DNAJC5B: variants seen among roughly 807,000 people sequenced by gnomAD.
The protein encoded by DNAJC5B is DnaJ heat shock protein family (Hsp40) member C5 beta, also known as dnaJ homolog subfamily C member 5B.
A neutral mutation model predicts 24.7 loss-of-function variants in DNAJC5B; 23 were observed. The ratio of observed to expected loss-of-function variants is 0.93; its 90% CI spans 0.67 to 1.32. The LOEUF is 1.32. Ranked by LOEUF, DNAJC5B falls within the 40% of genes most tolerant of loss-of-function variation. The probability of loss-of-function intolerance (pLI) is 0.00; values close to 1 mark genes in which losing one functional copy is unlikely to be tolerated. For synonymous variants in DNAJC5B, 101 were observed against 90.1 expected (o/e 1.12, Z -0.68); for missense variants, 238 against 240.8 (o/e 0.99, Z 0.08).
rs191980660 is a variant in DNAJC5B at position 66,057,848 on chromosome 8, G to T, written c.119+6182G>T. The stretch of plus-strand genomic sequence containing the variant: ...GAAACTATATTTCACGAGTGAATGG[G>T]GAAATACGTTCTCACATAAAGGGAA... On this transcript the variant is annotated intron_variant, in intron 3 of 5. Transcript: ENST00000276570. 5.3e-5 allele frequency: 8 copies of T among 152,276 alleles called. No individual in the cohort carries two copies. The East Asian group carries it at 1.5e-3, about 29-fold the overall frequency. 9.4% of individuals were successfully genotyped at this position (152,276 alleles called of 1,614,324 possible). A position where few individuals can be genotyped will look rare whatever the true frequency, so the allele number is the denominator to read the frequency against.
intron 3 of DNAJC5B, among the ~76,000 whole-genome samples, chr8:66,075,952 T>C (rs774159418): frequency 3.0e-4 from 46 of 152,236 alleles, no homozygotes; most frequent in Middle Eastern, 3.2e-3. Flanking sequence ...AGACGTATGA[T>C]AGGCACAGTA....
chr8:66,048,480 A>G (rs1451946837), intron 2 of DNAJC5B, among the ~76,000 whole-genome samples: 3 of 152,182 alleles, frequency 2.0e-5, no homozygotes, highest in Non-Finnish European at 2.9e-5. Flanking sequence ...GGGCTTATGC[A>G]AACATCTCTT....
At chr8:66,041,606 A>G (rs1285133772) in intron 1 of DNAJC5B, among the ~76,000 whole-genome samples, 2 of 152,258 alleles carry the variant, frequency 1.3e-5, no homozygotes, top group Admixed American at 6.5e-5. Context: ...TTTTGGTTCA[A>G]TCTTGGAAGA....
chr8:66,095,497 T>C (rs1807931380), intron 5 of DNAJC5B, among the ~76,000 whole-genome samples: 1 of 151,924 alleles, frequency 6.6e-6, no homozygotes, highest in Non-Finnish European at 1.5e-5. Flanking sequence ...GTTGATTGTT[T>C]CTACTTAATT....
chr8:66,082,975 A>G (rs1703914984), intron 5 of DNAJC5B, among the ~76,000 whole-genome samples: 1 of 149,738 alleles, frequency 6.7e-6, no homozygotes, highest in Non-Finnish European at 1.5e-5. Flanking sequence ...TAATATAGCA[A>G]TAATTTTGTA....
intron 2 of DNAJC5B, among the ~76,000 whole-genome samples, chr8:66,049,334 A>G (rs887187211): frequency 6.6e-6 from 1 of 152,198 alleles, no homozygotes; most frequent in African/African-American, 2.4e-5. Context: ...ATATTCACTC[A>G]TTGCTTACTC....
intron 3 of DNAJC5B, among the ~76,000 whole-genome samples, chr8:66,067,909 A>T (rs1807256648): frequency 6.6e-6 from 1 of 152,248 alleles, no homozygotes; most frequent in Admixed American, 6.5e-5. Context: ...TTGTTCTTTT[A>T]AGTTCCTAAA....
chr8:66,035,106 G>C (rs1056996782), intron 1 of DNAJC5B, among the ~76,000 whole-genome samples: 2 of 152,202 alleles, frequency 1.3e-5, no homozygotes, highest in African/African-American at 4.8e-5. Flanking sequence ...AGTTTTGCAA[G>C]CCAGGTGTTA....
chr8:66,087,523 A>G (rs957130822), intron 5 of DNAJC5B, among the ~76,000 whole-genome samples: 1 of 152,198 alleles, frequency 6.6e-6, no homozygotes, highest in African/African-American at 2.4e-5. Flanking sequence ...CAAAAGTCCA[A>G]GTCCAAAGTC....
At chr8:66,087,878 G>A (rs1807762894) in intron 5 of DNAJC5B, among the ~76,000 whole-genome samples, 1 of 152,184 alleles carries the variant, frequency 6.6e-6, no homozygotes, top group African/African-American at 2.4e-5. Flanking sequence ...GAGTGCCTGT[G>A]GCTTTTCCAG....
At chr8:66,057,165 A>G (rs926535519) in intron 3 of DNAJC5B, 1 of 152,134 alleles carries the variant, frequency 6.6e-6, no homozygotes, top group African/African-American at 2.4e-5. Flanking sequence ...TAAAGTAACC[A>G]TCATAAAAAA....
intron 1 of DNAJC5B, among the ~76,000 whole-genome samples, chr8:66,035,924 G>A (rs533565025): frequency 3.3e-5 from 5 of 152,266 alleles, no homozygotes; most frequent in African/African-American, 1.2e-4. Flanking sequence ...TCTTTACCAT[G>A]ATCTGGTCCT....
At chr8:66,029,626 G>A (rs2128956074) in intron 1 of DNAJC5B, among the ~76,000 whole-genome samples, 1 of 152,308 alleles carries the variant, frequency 6.6e-6, no homozygotes, top group East Asian at 1.9e-4. Flanking sequence ...TAGTGACCAA[G>A]TTCACTACCT....
At chr8:66,062,613 T>C (rs1385422542) in intron 3 of DNAJC5B, among the ~76,000 whole-genome samples, 1 of 152,156 alleles carries the variant, frequency 6.6e-6, no homozygotes, top group Non-Finnish European at 1.5e-5. Context: ...AACAAAATGC[T>C]GGGTAAGAAA....
chr8:66,021,797 A>T (rs1328903111), intron 1 of DNAJC5B, 92 bp downstream of exon 1: 1 of 152,260 alleles, frequency 6.6e-6, no homozygotes, highest in East Asian at 1.9e-4. Context: ...CCACACGAGC[A>T]GAAGCAGAGC....
At chr8:66,096,578 T>G (rs1451531349) in intron 5 of DNAJC5B, among the ~76,000 whole-genome samples, 1 of 152,136 alleles carries the variant, frequency 6.6e-6, no homozygotes, top group Non-Finnish European at 1.5e-5. Context: ...GTTTAGAATA[T>G]TTACAGCTAC....
intron 1 of DNAJC5B, among the ~76,000 whole-genome samples, chr8:66,030,592 T>C (rs1175771772): frequency 1.3e-5 from 2 of 152,148 alleles, no homozygotes; most frequent in Non-Finnish European, 2.9e-5. Context: ...TCTCCTTCTC[T>C]TCCTCCTCCA....
At chr8:66,040,157 C>T (rs187096159) in intron 1 of DNAJC5B, among the ~76,000 whole-genome samples, 42 of 152,126 alleles carry the variant, frequency 2.8e-4, no homozygotes, top group African/African-American at 8.9e-4. Context: ...TTTGGGAGGC[C>T]GAGGCAGGCG....
intron 2 of DNAJC5B, among the ~76,000 whole-genome samples, chr8:66,045,078 A>G (rs1361160595): frequency 6.6e-6 from 1 of 152,214 alleles, no homozygotes; most frequent in Non-Finnish European, 1.5e-5. Flanking sequence ...GAAATCAATA[A>G]TATATGAAGA....
Sources: allele counts gnomAD v4.1 joint callset (sites outside exome capture counted in the v4.1 genomes callset), GRCh38; gene constraint gnomAD v4.1.1; transcripts MANE v1.5; gene names NCBI Gene and HGNC (gene_info 2026-07-23, HGNC 2026-07-21).